Variants in POU6F2 observed in about 807,000 individuals in gnomAD.
The protein encoded by POU6F2 is POU class 6 homeobox 2.
In POU6F2, 31 loss-of-function variants were observed where a neutral mutation model predicts 71.3. That is an observed-to-expected ratio of 0.43 (90% CI 0.33 to 0.59). POU6F2 has a LOEUF of 0.59. Ranked by LOEUF, POU6F2 falls within the 20% of genes least tolerant of loss-of-function variation. The pLI is 0.04. For missense variants in POU6F2, 783 were observed against 856.8 expected (o/e 0.91, Z 1.07); for synonymous variants, 347 against 355.7 (o/e 0.98, Z 0.27).
intron 6 of POU6F2, among the ~76,000 whole-genome samples, chr7:39,423,836 C>G (rs532336562): frequency 6.6e-6 from 1 of 152,286 alleles, no homozygotes; most frequent in Non-Finnish European, 1.5e-5. Context: ...TTATCTGGCC[C>G]TTTCTGGGAG....
At chr7:38,992,310 A>G (rs183494994) in intron 1 of POU6F2, among the ~76,000 whole-genome samples, 27 of 152,302 alleles carry the variant, frequency 1.8e-4, no homozygotes, top group Admixed American at 1.2e-3. Context: ...GAGTGTATAA[A>G]TGAGGCTATC....
intron 2 of POU6F2, among the ~76,000 whole-genome samples, chr7:39,111,377 A>G (rs1282880452): frequency 1.3e-5 from 2 of 152,162 alleles, no homozygotes; most frequent in Non-Finnish European, 2.9e-5. Context: ...CTTAGTATTT[A>G]GATTTCTGTG....
intron 5 of POU6F2, among the ~76,000 whole-genome samples, chr7:39,382,879 T>C (rs1057122621): frequency 1.3e-5 from 2 of 152,180 alleles, no homozygotes; most frequent in East Asian, 1.9e-4. Flanking sequence ...CTATGACTAA[T>C]TGATCTTCAT....
chr7:39,155,288 C>G lies in POU6F2; in HGVS notation c.278-48947C>G, dbSNP rs537700750. Among the ~76,000 whole-genome samples the G allele has an allele frequency of 6.6e-5, 10 of 150,778 alleles. No homozygotes were observed. In the East Asian group the frequency reaches 9.7e-4, roughly 15 times the overall value. On this transcript the variant is annotated intron_variant, in intron 2 of 9. Transcript: ENST00000518318. ...GTTGGGGGGGAGTTCAGTCCTAAAG[C>G]TTTTTTTTTCTTAGTAATGAGATAG...
intron 4 of POU6F2, among the ~76,000 whole-genome samples, chr7:39,229,063 T>C (rs903677967): frequency 2.6e-5 from 4 of 152,320 alleles, no homozygotes; most frequent in African/African-American, 9.6e-5. Flanking sequence ...GGTTGTGGAA[T>C]TGGATGAGGA....
chr7:39,163,159 C>G (rs1161319997), intron 2 of POU6F2, among the ~76,000 whole-genome samples: 3 of 152,198 alleles, frequency 2.0e-5, no homozygotes, highest in Admixed American at 6.5e-5. Context: ...AAGCCCTGAT[C>G]TACCTAAGGA....
intron 1 of POU6F2, among the ~76,000 whole-genome samples, chr7:39,048,121 G>A (rs1444325221): frequency 3.3e-5 from 5 of 151,962 alleles, no homozygotes; most frequent in Non-Finnish European, 7.4e-5. Flanking sequence ...AAGCTATCTA[G>A]AACTAGGAGT....
chr7:39,161,017 A>T (rs571158682), intron 2 of POU6F2, among the ~76,000 whole-genome samples: 1 of 152,108 alleles, frequency 6.6e-6, no homozygotes, highest in Non-Finnish European at 1.5e-5. Context: ...TGCACAGAGT[A>T]GTAGTAAATT....
At chr7:39,372,786 T>G (rs1272806333) in intron 5 of POU6F2, among the ~76,000 whole-genome samples, 2 of 152,164 alleles carry the variant, frequency 1.3e-5, no homozygotes, top group Non-Finnish European at 2.9e-5. Flanking sequence ...AAATCAATTG[T>G]AAATGTTCAT....
intron 2 of POU6F2, among the ~76,000 whole-genome samples, chr7:39,197,156 G>C (rs76130687): frequency 0.051 from 7,734 of 152,264 alleles, 285 homozygotes; most frequent in East Asian, 0.13. Flanking sequence ...AGGACAGGAC[G>C]GGCTCTGGCT....
At chr7:39,255,376 T>G (rs1466072410) in intron 4 of POU6F2, among the ~76,000 whole-genome samples, 1 of 152,184 alleles carries the variant, frequency 6.6e-6, no homozygotes, top group Non-Finnish European at 1.5e-5. Context: ...GAGAATATGC[T>G]CCACTAAATT....
intron 4 of POU6F2, among the ~76,000 whole-genome samples, chr7:39,236,303 G>A (rs774476370): frequency 9.2e-5 from 14 of 152,042 alleles, no homozygotes; most frequent in African/African-American, 2.2e-4. Flanking sequence ...ATAACTAAGC[G>A]CCTCTAAAAT....
intron 4 of POU6F2, among the ~76,000 whole-genome samples, chr7:39,248,410 T>G (rs1783856737): frequency 6.6e-6 from 1 of 152,186 alleles, no homozygotes; most frequent in Non-Finnish European, 1.5e-5. Flanking sequence ...AGAATCATCC[T>G]TGCTGCCCCC....
rs760008749 is a variant in POU6F2, at chr7:39,451,718, G to T, written c.1489+17G>T. 1.1e-5 allele frequency: 17 copies of T among 1,562,502 alleles called. 1 individual carries two copies. The South Asian group carries it at 2.0e-4, about 18-fold the overall frequency. On this transcript the variant is annotated intron_variant, in intron 8 of 9. Transcript: ENST00000518318. ...TAGTCAGCAGTAAGTATCCTTTCTGGCTCGGTTTAAATCGTGGTGGCCTTC... is the reference window on the plus strand; with the variant it reads ...TAGTCAGCAGTAAGTATCCTTTCTGTCTCGGTTTAAATCGTGGTGGCCTTC...
In POU6F2 at chr7:39,016,056, T is replaced by A. The variant is rs1227865992; in HGVS notation, c.105+37998T>A. ...AGATATATATTATATATTATATATA[T>A]TATATATAATATATAGATATATATT... On this transcript the variant is annotated intron_variant, in intron 1 of 9. Coordinates refer to ENST00000518318, the MANE Select transcript of POU6F2 (RefSeq NM_001370959.1). Among the ~76,000 whole-genome samples, 5 of 54,492 alleles carry A rather than the reference T, an allele frequency of 9.2e-5. 1 individual carries two copies. Among genetic ancestry groups the A allele is most frequent in the African/African-American group, 1.8e-4 (3 of 16,766 alleles). 35.7% of individuals were successfully genotyped at this position (54,492 alleles called of 152,430 possible).
chr7:39,062,237 T>TAA (rs143965898), intron 1 of POU6F2, among the ~76,000 whole-genome samples: 1 of 152,126 alleles, frequency 6.6e-6, no homozygotes, highest in African/African-American at 2.4e-5. Flanking sequence ...TCAGTACTGT[T>TAA]AAAAAAATAC....
chr7:39,008,740 T>C (rs1334751770), intron 1 of POU6F2, among the ~76,000 whole-genome samples: 5 of 150,998 alleles, frequency 3.3e-5, no homozygotes, highest in African/African-American at 1.2e-4. Flanking sequence ...TTTCTACATA[T>C]GGCTAGCCAG....
chr7:39,098,176 T>A (rs1406205730), intron 2 of POU6F2, among the ~76,000 whole-genome samples: 1 of 152,072 alleles, frequency 6.6e-6, no homozygotes, highest in South Asian at 2.1e-4. Flanking sequence ...CTTGTTTGTC[T>A]TATATATTTT....
intron 1 of POU6F2, among the ~76,000 whole-genome samples, chr7:38,996,345 C>T (rs1486774737): frequency 2.0e-5 from 3 of 152,020 alleles, no homozygotes; most frequent in African/African-American, 7.2e-5. Context: ...CCAGCTGGGG[C>T]TTGGCTTTTT....
Sources: allele counts gnomAD v4.1 joint callset (sites outside exome capture counted in the v4.1 genomes callset), GRCh38; gene constraint gnomAD v4.1.1; transcripts MANE v1.5; gene names NCBI Gene and HGNC (gene_info 2026-07-23, HGNC 2026-07-21).